Variants in HSD17B11 observed in about 807,000 individuals in gnomAD.
HSD17B11 encodes the protein estradiol 17-beta-dehydrogenase 11.
Under a neutral mutation model 27.8 loss-of-function variants are expected in HSD17B11, and 22 were observed. The observed-to-expected ratio is 0.79, with a 90% confidence interval of 0.56 to 1.13. The LOEUF is 1.13. HSD17B11 is among the 50% of genes most tolerant of loss of function. The probability of loss-of-function intolerance (pLI) is 0.00; values close to 1 mark genes in which losing one functional copy is unlikely to be tolerated. For synonymous variants in HSD17B11, 117 were observed against 132.8 expected (o/e 0.88, Z 0.82); for missense variants, 314 against 351.1 (o/e 0.89, Z 0.84).
In HSD17B11 at chr4:87,354,629, C is replaced by T. The variant is rs138316505; in HGVS notation, c.695+2650G>A. Among the ~76,000 whole-genome samples, 1,220 of 144,610 alleles carry T rather than the reference C, an allele frequency of 8.4e-3. 12 individuals carry two copies. Among genetic ancestry groups the T allele is most frequent in the African/African-American group, 0.03 (1,144 of 37,872 alleles). 94.9% of individuals were successfully genotyped at this position (144,610 alleles called of 152,430 possible). ...ACTGCATCCAGCCTGGGTGACAGAG[C>T]GAATCCTTGTCTCAAAAAAAATAAA... On this transcript the variant is annotated intron_variant, in intron 5 of 6. Transcript: ENST00000358290.
chr4:87,363,423 T>C (rs1296870622), intron 4 of HSD17B11, among the ~76,000 whole-genome samples: 1 of 152,048 alleles, frequency 6.6e-6, no homozygotes, highest in African/African-American at 2.4e-5. Context: ...TGTAGAGGGG[T>C]ACTTCAGGAT....
chr4:87,360,325 G>T (rs758311152), intron 4 of HSD17B11, among the ~76,000 whole-genome samples: 1 of 152,176 alleles, frequency 6.6e-6, no homozygotes, highest in South Asian at 2.1e-4. Context: ...TTGGCAAAAG[G>T]TATCAAATTC....
chr4:87,357,127 C>T (rs2110117187), intron 5 of HSD17B11, 152 bp downstream of exon 5: 1 of 833,946 alleles, frequency 1.2e-6, no homozygotes, highest in South Asian at 2.0e-5. Flanking sequence ...GGCTTTCCAC[C>T]TGTTTTCCCA....
At chr4:87,372,623 TA>T in intron 4 of HSD17B11, 85 bp downstream of exon 4, 2 of 814,302 alleles carry the variant, frequency 2.5e-6, no homozygotes, top group Admixed American at 4.5e-5. Flanking sequence ...CTTATGATTA[TA>T]AAGAGAGTTC....
chr4:87,386,542 T>A (rs1007451865), intron 1 of HSD17B11, among the ~76,000 whole-genome samples: 2 of 152,022 alleles, frequency 1.3e-5, no homozygotes, highest in Non-Finnish European at 2.9e-5. Context: ...CCAGAAAAAA[T>A]TCCGGACAGT....
intron 3 of HSD17B11, among the ~76,000 whole-genome samples, chr4:87,374,069 A>T (rs1201470903): frequency 2.0e-5 from 3 of 152,198 alleles, no homozygotes; most frequent in African/African-American, 7.2e-5. Context: ...TCATGCCTGT[A>T]ATCCCAGCAC....
At chr4:87,388,533 A>C (rs1364415133) in intron 1 of HSD17B11, among the ~76,000 whole-genome samples, 1 of 152,100 alleles carries the variant, frequency 6.6e-6, no homozygotes, top group African/African-American at 2.4e-5. Context: ...TATTGATTCA[A>C]TTATCTCCAT....
At chr4:87,364,009 T>C (rs1019740018) in intron 4 of HSD17B11, among the ~76,000 whole-genome samples, 2 of 152,230 alleles carry the variant, frequency 1.3e-5, no homozygotes, top group Non-Finnish European at 2.9e-5. Context: ...AAGAGCACTA[T>C]GGTGAAAAGT....
intron 4 of HSD17B11, among the ~76,000 whole-genome samples, chr4:87,363,110 T>C (rs1735547529): frequency 6.6e-6 from 1 of 152,082 alleles, no homozygotes; most frequent in Non-Finnish European, 1.5e-5. Flanking sequence ...TATTTTGCTC[T>C]GGTCAAAATG....
intron 5 of HSD17B11, among the ~76,000 whole-genome samples, chr4:87,345,560 A>T (rs1735254754): frequency 6.6e-6 from 1 of 152,182 alleles, no homozygotes; most frequent in Admixed American, 6.5e-5. Context: ...GCAAACCTTT[A>T]GCTACACTGA....
In HSD17B11 at chr4:87,345,374, C is replaced by G. The variant is rs535932428; in HGVS notation, c.696-4768G>C. Among the ~76,000 whole-genome samples the G allele has an allele frequency of 3.3e-5, 5 of 151,680 alleles. No individual in the cohort carries two copies. The South Asian group carries it at 1.0e-3, about 32-fold the overall frequency. ...CTGCATTAAAAAAAGAAGAAGATCT[C>G]AAATCAGTAAAGTGAAATTCCACAT... On this transcript the variant is annotated intron_variant, in intron 5 of 6. Transcript: ENST00000358290.
rs764821568 is a variant in HSD17B11, at chr4:87,354,171, G to A, written c.695+3108C>T. On this transcript the variant is annotated intron_variant, in intron 5 of 6. Transcript: ENST00000358290. Reference sequence around the variant, plus strand: ...GACAGCTCCCAAATTTCTGTCTAACGTTGGCTTTCTGTTCTGCTTCCCTGT... The same window carrying A: ...GACAGCTCCCAAATTTCTGTCTAACATTGGCTTTCTGTTCTGCTTCCCTGT... Among the ~76,000 whole-genome samples, 7 of 152,072 alleles carry A rather than the reference G, an allele frequency of 4.6e-5. No homozygotes were observed. The East Asian group carries it at 7.7e-4, about 17-fold the overall frequency.
chr4:87,366,710 A>G (rs1344072083), intron 4 of HSD17B11, among the ~76,000 whole-genome samples: 1 of 152,208 alleles, frequency 6.6e-6, no homozygotes, highest in Non-Finnish European at 1.5e-5. Context: ...ATCCACAGAC[A>G]GTTGTTGTCT....
chr4:87,377,638 C>G (rs1735858986), intron 2 of HSD17B11, among the ~76,000 whole-genome samples: 1 of 152,050 alleles, frequency 6.6e-6, no homozygotes, highest in South Asian at 2.1e-4. Context: ...CAAGGGGTAG[C>G]AATGCAAAAA....
Position 87,390,917 on chromosome 4 carries a change from T to C in HSD17B11, c.154A>G (p.Thr52Ala). Residue 52 changes from threonine to alanine, a missense_variant, in exon 1 of 7, where the codon ACT (threonine) becomes GCT (alanine). By Grantham distance (58) the Thr-to-Ala change is moderately conservative (BLOSUM62 0). Transcript: ENST00000358290. The part of the protein sequence containing the change: ...TGAGHGIGRL[T>A]AYEFAKLKSK... ...TTAAGTTTAGCAAATTCATAGGCAGTCAGTCTCCCAATTCCATGCCCAGCT... is the reference window on the plus strand; with the variant it reads ...TTAAGTTTAGCAAATTCATAGGCAGCCAGTCTCCCAATTCCATGCCCAGCT... The C allele has an allele frequency of 6.2e-7, 1 of 1,614,172 alleles. No homozygotes were observed. Among genetic ancestry groups the C allele is most frequent in the African/African-American group, 1.3e-5 (1 of 75,026 alleles).
rs1560769287 is a variant in HSD17B11, at chr4:87,378,883, T to TATAA, written c.318+3371_318+3372insTTAT. ...ATATATATAAATATATATATATAAATATATATATATAAATATATATAAATA... is the reference window on the plus strand; with the variant it reads ...ATATATATAAATATATATATATAAATATAAATATATATATAAATATATATAAATA... On this transcript the variant is annotated intron_variant, in intron 2 of 6. Coordinates refer to ENST00000358290, the MANE Select transcript of HSD17B11 (RefSeq NM_016245.5). 1.0e-3 allele frequency among the ~76,000 whole-genome samples: 13 copies of TATAA among 12,932 alleles called. 1 individual carries two copies. The highest frequency in any genetic ancestry group is 7.6e-3 in the African/African-American group (13 of 1,714). The allele number at this position is 12,932 out of a possible 152,430, so 8.5% of individuals were successfully genotyped here. A position where few individuals can be genotyped will look rare whatever the true frequency, so the allele number is the denominator to read the frequency against.
chr4:87,353,722 C>T (rs545453770), intron 5 of HSD17B11, among the ~76,000 whole-genome samples: 4 of 147,586 alleles, frequency 2.7e-5, no homozygotes, highest in South Asian at 2.2e-4. Flanking sequence ...CAGCTCTGTG[C>T]GGCCTTGTAG....
chr4:87,346,589 G>C (rs544064829), intron 5 of HSD17B11, among the ~76,000 whole-genome samples: 1 of 152,242 alleles, frequency 6.6e-6, no homozygotes, highest in East Asian at 1.9e-4. Flanking sequence ...GGTGGAGGCC[G>C]CAGTTAGCTG....
At chr4:87,367,811 C>T (rs1311716008) in intron 4 of HSD17B11, among the ~76,000 whole-genome samples, 2 of 152,190 alleles carry the variant, frequency 1.3e-5, no homozygotes, top group African/African-American at 4.8e-5. Flanking sequence ...ACATTGCAAT[C>T]AGCTAGCAAC....
Sources: gnomAD v4.1 joint callset for allele counts (sites outside exome capture counted in the v4.1 genomes callset) on GRCh38, gnomAD v4.1.1 for gene constraint, MANE v1.5 for transcripts, NCBI Gene and HGNC (gene_info 2026-07-23, HGNC 2026-07-21) for gene names.